The following CREB5 variants were observed in gnomAD, a reference collection of about 807,000 sequenced individuals.
CREB5 encodes cyclic AMP-responsive element-binding protein 5.
CREB5 carries 19 observed loss-of-function variants against 57.1 expected under a neutral mutation model. That is an observed-to-expected ratio of 0.33 (90% CI 0.23 to 0.49). The LOEUF (loss-of-function observed/expected upper bound fraction) is 0.49, where lower values mean the gene tolerates loss of function less well. Among genes scored for constraint, CREB5 ranks in the 20% least tolerant of loss-of-function variants. The probability of loss-of-function intolerance (pLI) is 0.99; values close to 1 mark genes in which losing one functional copy is unlikely to be tolerated. For missense variants in CREB5, 579 were observed against 671.6 expected, an observed-to-expected ratio of 0.86 and a Z score of 1.52; for synonymous variants, 238 against 238.3, an observed-to-expected ratio of 1.00 and a Z score of 0.01.
chr7:28,408,223 T>C (rs992590980), upstream of CREB5, among the ~76,000 whole-genome samples: 3 of 152,190 alleles, frequency 2.0e-5, no homozygotes, highest in Non-Finnish European at 4.4e-5. Flanking sequence ...GGAATAATTA[T>C]AATACCTGTC....
chr7:28,636,791 C>A (rs549506511), intron 5 of CREB5, among the ~76,000 whole-genome samples: 1 of 152,216 alleles, frequency 6.6e-6, no homozygotes, highest in South Asian at 2.1e-4. Flanking sequence ...GCCTCATCAC[C>A]CTTTCTGTGG....
intron 5 of CREB5, among the ~76,000 whole-genome samples, chr7:28,645,859 A>G (rs1798869244): frequency 6.6e-6 from 1 of 152,210 alleles, no homozygotes; most frequent in South Asian, 2.1e-4. Context: ...CTGACTAAAG[A>G]TCACTCTCAC....
At chr7:28,555,109 T>TTGTGTGTGTGTGTG (rs58647223) in intron 4 of CREB5, among the ~76,000 whole-genome samples, 49,970 of 148,564 alleles carry the variant, frequency 0.34, 9,014 homozygotes, top group African/African-American at 0.46. Context: ...ATAAGCTGCA[T>TTGTGTGTGTGTGTG]TGTGTGTGTG....
chr7:28,449,252 A>G lies in CREB5; in HGVS notation c.3+36335A>G, dbSNP rs528921665. ...TTTTTGGAAGTTACTGCTAAACTCA[A>G]TAACATGCTTCTGTCTTTGTTTCTT... is the stretch of plus-strand genomic sequence containing the variant. On this transcript the variant is annotated intron_variant, in intron 1 of 10. Transcript: ENST00000357727. 2.0e-5 allele frequency among the ~76,000 whole-genome samples: 3 copies of G among 152,356 alleles called. No individual in the cohort carries two copies. In the South Asian group the frequency reaches 6.2e-4, roughly 32 times the overall value.
chr7:28,566,028 C>G (rs1015611967), intron 4 of CREB5, among the ~76,000 whole-genome samples: 1 of 152,214 alleles, frequency 6.6e-6, no homozygotes, highest in Non-Finnish European at 1.5e-5. Context: ...CCTCTTCAGA[C>G]TAAATATTCT....
At chr7:28,797,823 G>T (rs999358067) in intron 7 of CREB5, among the ~76,000 whole-genome samples, 2 of 152,144 alleles carry the variant, frequency 1.3e-5, no homozygotes, top group Non-Finnish European at 2.9e-5. Context: ...GATACCTAGA[G>T]GAAGTTGGTA....
At chr7:28,604,090 G>A (rs1361789110) in intron 5 of CREB5, among the ~76,000 whole-genome samples, 1 of 152,068 alleles carries the variant, frequency 6.6e-6, no homozygotes, top group Non-Finnish European at 1.5e-5. Context: ...AGGTAAGACA[G>A]GATTTCTTTT....
At chr7:28,459,707 G>C (rs557781642) in intron 1 of CREB5, among the ~76,000 whole-genome samples, 9 of 152,298 alleles carry the variant, frequency 5.9e-5, no homozygotes, top group South Asian at 2.1e-4. Context: ...GTGACGTAAG[G>C]GGGTGCAGAG....
intron 9 of CREB5, among the ~76,000 whole-genome samples, chr7:28,814,782 C>T (rs1304454242): frequency 6.6e-6 from 1 of 152,134 alleles, no homozygotes; most frequent in Non-Finnish European, 1.5e-5. Context: ...AGTGAGAGTT[C>T]CTTTTCCTAC....
rs73684221 is a variant in CREB5, at chr7:28,620,162, G to A, written c.464+49625G>A. Among the ~76,000 whole-genome samples the A allele has an allele frequency of 2.1e-3, 319 of 152,186 alleles. 1 individual carries two copies. The highest frequency in any genetic ancestry group is 0.014 in the Middle Eastern group (4 of 292). ...GATAAGGGAAACAATTTTTGCAGTCGTCTCATAGATTCTTCTAGAAAAACT... is the reference window on the plus strand; with the variant it reads ...GATAAGGGAAACAATTTTTGCAGTCATCTCATAGATTCTTCTAGAAAAACT... On this transcript the variant is annotated intron_variant, in intron 5 of 10. Coordinates refer to ENST00000357727, the MANE Select transcript of CREB5 (RefSeq NM_182898.4).
In CREB5 at chr7:28,517,783, G is replaced by C. The variant is rs531152124; in HGVS notation, c.291+10046G>C. The stretch of plus-strand genomic sequence containing the variant: ...TGCTTTGCTTTCTGGGATAGTCAAA[G>C]CTATTGTTCAGTTTGTTAGAACTTG... On this transcript the variant is annotated intron_variant, in intron 4 of 10. Coordinates refer to ENST00000357727, the MANE Select transcript of CREB5 (RefSeq NM_182898.4). Among the ~76,000 whole-genome samples, 3 of 152,080 alleles carry C rather than the reference G, an allele frequency of 2.0e-5. No homozygotes were observed. The East Asian group carries it at 5.8e-4, about 29-fold the overall frequency.
At chr7:28,414,495 T>C (rs1343015781) in intron 1 of CREB5, among the ~76,000 whole-genome samples, 1 of 152,162 alleles carries the variant, frequency 6.6e-6, no homozygotes, top group Non-Finnish European at 1.5e-5. Context: ...TGGGGGGCAA[T>C]TGCCTTAAAT....
At chr7:28,765,061 C>CTGAT (rs1308596422) in intron 7 of CREB5, among the ~76,000 whole-genome samples, 1 of 152,150 alleles carries the variant, frequency 6.6e-6, no homozygotes, top group Non-Finnish European at 1.5e-5. Flanking sequence ...CAAAGATGAG[C>CTGAT]TGATTATCTC....
At chr7:28,693,697 C>A (rs989637236) in intron 5 of CREB5, among the ~76,000 whole-genome samples, 1 of 152,148 alleles carries the variant, frequency 6.6e-6, no homozygotes, top group African/African-American at 2.4e-5. Flanking sequence ...TGATTTTTGA[C>A]AATCTATTGA....
chr7:28,725,457 C>CTGTGCCACAGTCCCTGTGA (rs1803276671), intron 7 of CREB5, among the ~76,000 whole-genome samples: 1 of 152,212 alleles, frequency 6.6e-6, no homozygotes, highest in Non-Finnish European at 1.5e-5. Context: ...GTTCTCTTTG[C>CTGTGCCACAGTCCCTGTGA]TGTGCCACAG....
intron 4 of CREB5, among the ~76,000 whole-genome samples, chr7:28,516,869 T>C (rs1309394331): frequency 1.3e-5 from 2 of 152,202 alleles, no homozygotes; most frequent in African/African-American, 2.4e-5. Flanking sequence ...CTCCTCCGAA[T>C]GAATCCATTT....
At chr7:28,765,247 C>G (rs1805899444) in intron 7 of CREB5, among the ~76,000 whole-genome samples, 1 of 152,196 alleles carries the variant, frequency 6.6e-6, no homozygotes, top group Non-Finnish European at 1.5e-5. Context: ...ACATGGCTCA[C>G]AGTCTGGTGT....
At chr7:28,435,381 ATT>A (rs34815040) in intron 1 of CREB5, among the ~76,000 whole-genome samples, 271 of 103,498 alleles carry the variant, frequency 2.6e-3, no homozygotes, top group African/African-American at 9.0e-3. Flanking sequence ...TTTCCCTTCC[ATT>A]TTTTTTTTTT....
intron 4 of CREB5, among the ~76,000 whole-genome samples, chr7:28,539,494 C>T (rs933193253): frequency 2.6e-5 from 4 of 152,174 alleles, no homozygotes; most frequent in African/African-American, 4.8e-5. Flanking sequence ...TGAATGAAAG[C>T]CTGTTTCTCA....
Sources: gnomAD v4.1 joint callset for allele counts (sites outside exome capture counted in the v4.1 genomes callset) on GRCh38, gnomAD v4.1.1 for gene constraint, MANE v1.5 for transcripts, NCBI Gene and HGNC (gene_info 2026-07-23, HGNC 2026-07-21) for gene names.